The following TRPV4 variants were observed in gnomAD, a reference collection of about 807,000 sequenced individuals.
The protein encoded by TRPV4 is OSM9-like transient receptor potential channel 4.
A neutral mutation model predicts 84.1 loss-of-function variants in TRPV4; 58 were observed. The ratio of observed to expected loss-of-function variants is 0.69; its 90% CI spans 0.56 to 0.86. TRPV4 has a LOEUF of 0.86. TRPV4 is among the 40% of genes least tolerant of loss of function. The probability of loss-of-function intolerance (pLI) is 0.00; values close to 1 mark genes in which losing one functional copy is unlikely to be tolerated. For missense variants in TRPV4, 879 were observed against 1,181.1 expected, an observed-to-expected ratio of 0.74 and a Z score of 3.75; for synonymous variants, 489 against 500.9, an observed-to-expected ratio of 0.98 and a Z score of 0.32.
chr12:109,794,174 G>C (rs1471939965), intron 8 of TRPV4, 152 bp from the exon 9 acceptor site: 3 of 1,180,116 alleles, frequency 2.5e-6, no homozygotes, highest in Admixed American at 4.0e-5. Context: ...CCAGCTCAGG[G>C]CCACCCGTGG....
intron 5 of TRPV4, among the ~76,000 whole-genome samples, chr12:109,800,056 C>T (rs974583296): frequency 1.3e-5 from 2 of 152,152 alleles, no homozygotes; most frequent in African/African-American, 4.8e-5. Flanking sequence ...AATTCTCCTG[C>T]CTCAGCCTCC....
intron 1 of TRPV4, among the ~76,000 whole-genome samples, chr12:109,816,222 C>A (rs1335720721): frequency 6.6e-6 from 1 of 152,226 alleles, no homozygotes; most frequent in Non-Finnish European, 1.5e-5. Flanking sequence ...CAGCAGGACA[C>A]AGAGGGTCAG....
At chr12:109,791,639 T>A (rs914739605) in intron 12 of TRPV4, among the ~76,000 whole-genome samples, 1 of 151,142 alleles carries the variant, frequency 6.6e-6, no homozygotes, top group African/African-American at 2.4e-5. Context: ...CGCGCCACCA[T>A]GCCTGTCTAA....
Position 109,800,738 on chromosome 12 carries a change from C to A in TRPV4, c.733G>T (p.Ala245Ser), listed in dbSNP as rs761829753. 5.6e-6 allele frequency: 9 copies of A among 1,613,218 alleles called. No homozygotes were observed. The highest frequency in any genetic ancestry group is 7.6e-6 in the Non-Finnish European group (9 of 1,179,806). The change falls in exon 5 of 16, where the codon GCC becomes TCC. Residue 245 changes from alanine (A) to serine (S), a missense_variant. By Grantham distance (99) the Ala-to-Ser change is moderately conservative (BLOSUM62 1). Around this residue, in one of 4 missense-constraint regions of TRPV4, gnomAD observed 521 missense variants for 686.6 expected, o/e 0.76. Transcript: ENST00000261740. The part of the protein sequence containing the change: ...YYRGQTALHI[A>S]IERRCKHYVE... ...TAGTGTTTGCAGCGACGCTCAATGG[C>A]GATGTGCAGGGCTGTCTGACCTGGG...
At chr12:109,821,639 C>T (rs1278376544) in intron 1 of TRPV4, among the ~76,000 whole-genome samples, 1 of 152,104 alleles carries the variant, frequency 6.6e-6, no homozygotes, top group Non-Finnish European at 1.5e-5. Flanking sequence ...AAGCAATTCT[C>T]GTGCCTCAGC....
At chr12:109,810,005 G>T (rs1386045831) in intron 2 of TRPV4, among the ~76,000 whole-genome samples, 1 of 152,210 alleles carries the variant, frequency 6.6e-6, no homozygotes, top group Non-Finnish European at 1.5e-5. Context: ...TGGGAGAGAT[G>T]TGGGGCTACA....
intron 1 of TRPV4, among the ~76,000 whole-genome samples, chr12:109,823,132 A>C (rs1892155619): frequency 6.6e-6 from 1 of 152,130 alleles, no homozygotes; most frequent in South Asian, 2.1e-4. Flanking sequence ...GCTCCCAGGC[A>C]CTTGGCAGGC....
chr12:109,829,720 G>A (rs1006814447), intron 1 of TRPV4, among the ~76,000 whole-genome samples: 7 of 152,250 alleles, frequency 4.6e-5, no homozygotes, highest in African/African-American at 1.7e-4. Context: ...AGGAGGAAAT[G>A]GAAGCCCAGA....
In TRPV4 at chr12:109,814,645, G is replaced by A. The variant is rs115861965; in HGVS notation, c.152C>T (p.Pro51Leu). 1.2e-4 allele frequency: 195 copies of A among 1,613,686 alleles called. No individual in the cohort carries two copies. In the African/African-American group the frequency reaches 1.6e-3, roughly 13 times the overall value. Residue 51 changes from proline to leucine, a missense_variant, in exon 2 of 16, where the codon CCG becomes CTG. By Grantham distance (98) the Pro-to-Leu change is moderately conservative (BLOSUM62 -3). Around this residue, in one of 4 missense-constraint regions of TRPV4, gnomAD observed 107 missense variants for 99.4 expected, o/e 1.08. Transcript: ENST00000261740. The surrounding 1 kb of genome is among the most constrained non-coding windows in gnomAD (Gnocchi z 5.4). ...GCCAGCAGGGCGACTGGCATCAGCC[G>A]GTGAGGGCGAAAGGGAGCCATCCTC... ...EGEDGSLSPS[P>L]ADASRPAGPG... is the part of the protein sequence containing the mutation.
chr12:109,784,860 C>CGTGTGTGTGTGT (rs58584964), intron 14 of TRPV4, among the ~76,000 whole-genome samples: 31 of 123,804 alleles, frequency 2.5e-4, no homozygotes, highest in African/African-American at 9.5e-4. Flanking sequence ...AAAAAAAAGA[C>CGTGTGTGTGTGT]GTGTGTGTGT....
In TRPV4 at chr12:109,829,923, C is replaced by T. The variant is rs181510449; in HGVS notation, c.-32+3427G>A. ...CTCTCACTCCTGGGCTTAAGCGATC[C>T]TCCCACCTCAGCCTCTCAAGTAGCT... On this transcript the variant is annotated intron_variant, in intron 1 of 15. Coordinates refer to ENST00000261740, the MANE Select transcript of TRPV4 (RefSeq NM_021625.5). 3.3e-5 allele frequency among the ~76,000 whole-genome samples: 5 copies of T among 152,356 alleles called. No homozygotes were observed. The East Asian group carries it at 9.6e-4, about 29-fold the overall frequency.
chr12:109,784,151 A>T (rs2136415813), intron 15 of TRPV4, among the ~76,000 whole-genome samples, 165 bp downstream of exon 15: 1 of 152,344 alleles, frequency 6.6e-6, no homozygotes, highest in East Asian at 1.9e-4. Context: ...GAAGCCACGT[A>T]GGTGAGGTGC....
In TRPV4 at chr12:109,808,362, C is replaced by G; in HGVS notation, c.493G>C (p.Asp165His). 1 of 1,614,210 alleles carries G rather than the reference C, an allele frequency of 6.2e-7. No individual in the cohort carries two copies. The highest frequency in any genetic ancestry group is 1.3e-5 in the African/African-American group (1 of 75,062). ...AAGAATGGGAGCAGCCCGTCCAGGT[C>G]AGCAGTGGAGCCCCGGGACACGATG... ...FDIVSRGSTA[D>H]LDGLLPFLLT... Residue 165 changes from aspartate to histidine, a missense_variant, in exon 3 of 16, where the codon GAC becomes CAC. This residue lies in a region of TRPV4 where 521 missense variants were observed against 686.6 expected (regional missense o/e 0.76). Transcript: ENST00000261740.
rs1351581227 is a variant in TRPV4 at position 109,796,540 on chromosome 12, G to A, written c.1317C>T (p.Tyr439=). 6.2e-7 allele frequency: 1 copy of A among 1,613,900 alleles called. No individual in the cohort carries two copies. The highest frequency in any genetic ancestry group is 1.1e-5 in the South Asian group (1 of 91,064). The change falls in exon 7 of 16, where the codon TAC becomes TAT. Residue 439 remains tyrosine, a synonymous_variant. Coordinates refer to ENST00000261740, the MANE Select transcript of TRPV4 (RefSeq NM_021625.5). This position sits in a 1 kb window ranked among gnomAD's most constrained non-coding sequence, Gnocchi z 4.2. ...EEASVLEILV[Y]NSKIENRHEM... is the part of the protein sequence containing the mutation. ...TGGAGCCCACCTCAATCTTGCTGTT[G>A]TACACCAGGATCTCCAGCACGGAGG...
rs143863485 is a variant in TRPV4 at position 109,826,867 on chromosome 12, C to G, written c.-32+6483G>C. 1.4e-4 allele frequency among the ~76,000 whole-genome samples: 22 copies of G among 152,322 alleles called. No homozygotes were observed. The East Asian group carries it at 4.2e-3, about 29-fold the overall frequency. ...CTGGATTACTTGTCATTGTGGGTAT[C>G]AGAGTCTCACAAAGTGGCCTCAAAG... On this transcript the variant is annotated intron_variant, in intron 1 of 15. Coordinates refer to ENST00000261740, the MANE Select transcript of TRPV4 (RefSeq NM_021625.5).
chr12:109,820,228 T>C (rs900165221), intron 1 of TRPV4, among the ~76,000 whole-genome samples: 1 of 152,080 alleles, frequency 6.6e-6, no homozygotes, highest in African/African-American at 2.4e-5. Context: ...AAGAACTGCA[T>C]AGACCAGAAG....
Position 109,784,269 on chromosome 12 carries a change from G to C in TRPV4, c.2458+47C>G, listed in dbSNP as rs575618732. The C allele has an allele frequency of 1.4e-5, 22 of 1,613,650 alleles. No homozygotes were observed. The East Asian group carries it at 4.9e-4, about 36-fold the overall frequency. ...GCAGGACTGCTCAAAGCAAATTCGT[G>C]ATGAGAATGGACTGGGGCTCCCCTC... On this transcript the variant is annotated intron_variant, in intron 15 of 15. Coordinates refer to ENST00000261740, the MANE Select transcript of TRPV4 (RefSeq NM_021625.5).
chr12:109,814,613 C>T lies in TRPV4; in HGVS notation c.184G>A (p.Asp62Asn), dbSNP rs770149544. The change falls in exon 2 of 16, where the codon GAT becomes AAT. Residue 62 changes from aspartate (D) to asparagine (N), a missense_variant. By Grantham distance (23) the Asp-to-Asn change is conservative. This residue lies in a region of TRPV4 where 107 missense variants were observed against 99.4 expected (regional missense o/e 1.08). Transcript: ENST00000261740. This position sits in a 1 kb window ranked among gnomAD's most constrained non-coding sequence, Gnocchi z 5.4. The part of the protein sequence containing the change: ...ADASRPAGPG[D>N]GRPNLRMKFQ... Reference sequence around the variant, plus strand: ...TTCATGCGCAGATTTGGTCGCCCATCGCCTGGGCCAGCAGGGCGACTGGCA... The same window carrying T: ...TTCATGCGCAGATTTGGTCGCCCATTGCCTGGGCCAGCAGGGCGACTGGCA... 17 of 1,613,872 alleles carry T rather than the reference C, an allele frequency of 1.1e-5. No individual in the cohort carries two copies. Among genetic ancestry groups the T allele is most frequent in the Admixed American group, 1.7e-5 (1 of 60,010 alleles).
chr12:109,794,581 C>T (rs377565759), intron 7 of TRPV4, 94 bp from the exon 8 acceptor site: 12 of 1,320,002 alleles, frequency 9.1e-6, no homozygotes, highest in African/African-American at 1.4e-5. Context: ...ACCCTCCACC[C>T]GGACAGCGCT....
Sources: allele counts gnomAD v4.1 joint callset (sites outside exome capture counted in the v4.1 genomes callset), GRCh38; gene constraint gnomAD v4.1.1; regional missense constraint gnomAD v4.1.1; non-coding constraint Gnocchi (gnomAD v3.1); transcripts MANE v1.5; gene names NCBI Gene and HGNC (gene_info 2026-07-23, HGNC 2026-07-21).